DHTKD1: variants seen among roughly 807,000 people sequenced by gnomAD.
DHTKD1 encodes the protein 2-oxoadipate dehydrogenase complex component E1.
Under a neutral mutation model 101.8 loss-of-function variants are expected in DHTKD1, and 78 were observed. The ratio of observed to expected loss-of-function variants is 0.77; its 90% CI spans 0.64 to 0.93. The LOEUF (loss-of-function observed/expected upper bound fraction) is 0.93. Ranked by LOEUF, DHTKD1 falls within the 40% of genes least tolerant of loss-of-function variation. The pLI is 0.00. For missense variants in DHTKD1, 1,223 were observed against 1,161.7 expected (o/e 1.05, Z -0.77); for synonymous variants, 462 against 450.3 (o/e 1.03, Z -0.33).
chr10:12,106,985 T>C (rs1426245347), intron 11 of DHTKD1, among the ~76,000 whole-genome samples: 1 of 151,214 alleles, frequency 6.6e-6, no homozygotes, highest in Non-Finnish European at 1.5e-5. Context: ...TCTTTTTCTT[T>C]TCTTTTTTTT....
At chr10:12,069,242 C>T in intron 1 of DHTKD1, 55 bp downstream of exon 1, 1 of 1,236,388 alleles carries the variant, frequency 8.1e-7, no homozygotes, top group Non-Finnish European at 1.0e-6. Context: ...GAAGCCTCCC[C>T]TGGCCGATTT....
At chr10:12,102,373 G>A (rs1040894769) in intron 10 of DHTKD1, among the ~76,000 whole-genome samples, 1 of 140,880 alleles carries the variant, frequency 7.1e-6, no homozygotes, top group Non-Finnish European at 1.5e-5. Context: ...GCAGTGAGCC[G>A]AGAACACACC....
chr10:12,112,514 ACACACAC>A (rs1833349511), intron 12 of DHTKD1, among the ~76,000 whole-genome samples: 2 of 150,884 alleles, frequency 1.3e-5, no homozygotes, highest in African/African-American at 4.8e-5. Context: ...ACACACACAC[ACACACAC>A]ACACACACAA....
rs1342868808 is a variant in DHTKD1, at chr10:12,110,977, C to T, written c.2155-1923C>T. On this transcript the variant is annotated intron_variant, in intron 12 of 16. Transcript: ENST00000263035. This position sits in a 1 kb window ranked among gnomAD's most constrained non-coding sequence, Gnocchi z 4.9. Reference sequence around the variant, plus strand: ...GGGAGGATCACTTGAGCCTGGGAGGCGGAGGTTGTAGTGAGCTGAGGTTGC... The same window carrying T: ...GGGAGGATCACTTGAGCCTGGGAGGTGGAGGTTGTAGTGAGCTGAGGTTGC... 2.2e-5 allele frequency among the ~76,000 whole-genome samples: 3 copies of T among 136,160 alleles called. No individual in the cohort carries two copies. The highest frequency in any genetic ancestry group is 3.1e-5 in the Non-Finnish European group (2 of 65,198). The allele number at this position is 136,160 out of a possible 152,430, so 89.3% of individuals were successfully genotyped here.
intron 10 of DHTKD1, among the ~76,000 whole-genome samples, chr10:12,105,723 C>T (rs528520666): frequency 2.0e-5 from 3 of 152,262 alleles, no homozygotes; most frequent in Admixed American, 1.3e-4. Context: ...ATTCCAGCCT[C>T]TTTTATCTTT....
chr10:12,089,384 G>A, intron 5 of DHTKD1, 129 bp downstream of exon 5: 1 of 955,818 alleles, frequency 1.0e-6, no homozygotes, highest in Non-Finnish European at 1.5e-6. Flanking sequence ...AAAAGATTCT[G>A]GGATTGTTTT....
chr10:12,083,162 A>G (rs999882701), intron 2 of DHTKD1, among the ~76,000 whole-genome samples: 6 of 152,020 alleles, frequency 3.9e-5, no homozygotes, highest in African/African-American at 1.4e-4. Context: ...CGTCTCAAAA[A>G]AAAAAAAAGA....
intron 1 of DHTKD1, among the ~76,000 whole-genome samples, chr10:12,080,664 TTG>T (rs1832801907): frequency 6.7e-6 from 1 of 149,840 alleles, no homozygotes; most frequent in Admixed American, 6.7e-5. Flanking sequence ...TGAGCCAAGA[TTG>T]AACCACTGCA....
At chr10:12,074,537 T>G (rs538025862) in intron 1 of DHTKD1, among the ~76,000 whole-genome samples, 17 of 151,996 alleles carry the variant, frequency 1.1e-4, no homozygotes, top group Admixed American at 9.2e-4. Context: ...TTGTTTTTTT[T>G]TTAGTAGAGA....
intron 3 of DHTKD1, among the ~76,000 whole-genome samples, chr10:12,085,051 CA>C (rs201768673): frequency 2.0e-5 from 3 of 149,474 alleles, no homozygotes; most frequent in Non-Finnish European, 3.0e-5. Context: ...AACACCTTCT[CA>C]AAAAAAAAGG....
At chr10:12,074,027 G>A (rs1028516789) in intron 1 of DHTKD1, among the ~76,000 whole-genome samples, 2 of 152,144 alleles carry the variant, frequency 1.3e-5, no homozygotes, top group Admixed American at 6.6e-5. Flanking sequence ...GCTTCGTTAC[G>A]GACTTAAACA....
chr10:12,072,714 G>C (rs895970834), intron 1 of DHTKD1, among the ~76,000 whole-genome samples: 52 of 150,934 alleles, frequency 3.4e-4, no homozygotes, highest in African/African-American at 1.2e-3. Flanking sequence ...GTGGGTTTAG[G>C]AGTAGTGATT....
At chr10:12,118,036 C>T (rs1833447908) in intron 14 of DHTKD1, among the ~76,000 whole-genome samples, 1 of 151,896 alleles carries the variant, frequency 6.6e-6, no homozygotes, top group African/African-American at 2.4e-5. Context: ...ATTACAGGTG[C>T]CCGCCACCAC....
At chr10:12,119,356 C>G (rs1353905661) in intron 15 of DHTKD1, among the ~76,000 whole-genome samples, 4 of 151,286 alleles carry the variant, frequency 2.6e-5, no homozygotes, top group Admixed American at 2.6e-4. Context: ...TGCCTCACGC[C>G]TGTAGTCCCA....
intron 1 of DHTKD1, among the ~76,000 whole-genome samples, chr10:12,069,518 C>CTTTTTTTTTTTTTTTTTTTTTTTTTCT (rs10691718): frequency 1.2e-5 from 1 of 81,552 alleles, no homozygotes; most frequent in Admixed American, 1.7e-4. Context: ...TTTTTGTTTC[C>CTTTTTTTTTTTTTTTTTTTTTTTTTCT]TTTTTTTTTT....
chr10:12,121,219 CAAA>C lies in DHTKD1; in HGVS notation c.*348_*350del, dbSNP rs34911594. 4.4e-4 allele frequency: 53 copies of C among 119,372 alleles called. No individual in the cohort carries two copies. The highest frequency in any genetic ancestry group is 1.8e-3 in the South Asian group (7 of 3,996). 7.4% of individuals were successfully genotyped at this position (119,372 alleles called of 1,614,324 possible). A position where few individuals can be genotyped will look rare whatever the true frequency, so the allele number is the denominator to read the frequency against. On this transcript the variant is annotated 3_prime_UTR_variant, in exon 17 of 17. Transcript: ENST00000263035. ...TGGGTGACAGAGCAAGACTGCGTTT[CAAA>C]AAAAAAAAAAAAAAAACCCATTAAA...
chr10:12,099,198 AC>A (rs1833118996), intron 8 of DHTKD1, among the ~76,000 whole-genome samples: 3 of 151,680 alleles, frequency 2.0e-5, no homozygotes, highest in Admixed American at 1.3e-4. Context: ...AAAAAAAAAA[AC>A]CAACCCACTA....
chr10:12,092,583 C>G (rs1380876408), intron 6 of DHTKD1, among the ~76,000 whole-genome samples: 1 of 151,874 alleles, frequency 6.6e-6, no homozygotes, highest in Non-Finnish European at 1.5e-5. Flanking sequence ...GCAGGTGGAT[C>G]ATCTGAGCTT....
At chr10:12,070,187 T>C (rs1370949783) in intron 1 of DHTKD1, among the ~76,000 whole-genome samples, 1 of 152,220 alleles carries the variant, frequency 6.6e-6, no homozygotes, top group Non-Finnish European at 1.5e-5. Flanking sequence ...TTAACAGTCA[T>C]GAATATCAGC....
Sources: allele counts gnomAD v4.1 joint callset (sites outside exome capture counted in the v4.1 genomes callset), GRCh38; gene constraint gnomAD v4.1.1; non-coding constraint Gnocchi (gnomAD v3.1); transcripts MANE v1.5; gene names NCBI Gene and HGNC (gene_info 2026-07-23, HGNC 2026-07-21).